PHLDB2: variants seen among roughly 807,000 people sequenced by gnomAD.
PHLDB2 encodes the protein pleckstrin homology-like domain family B member 2.
A neutral mutation model predicts 123.6 loss-of-function variants in PHLDB2; 71 were observed. The observed-to-expected ratio is 0.57, with a 90% CI of 0.47 to 0.70. The LOEUF is 0.70. Among genes scored for constraint, PHLDB2 ranks in the 30% least tolerant of loss-of-function variants. The pLI is 0.00. For missense variants in PHLDB2, 1,446 were observed against 1,519.5 expected, an observed-to-expected ratio of 0.95 and a Z score of 0.80; for synonymous variants, 547 against 541.6, an observed-to-expected ratio of 1.01 and a Z score of -0.14.
At chr3:111,732,596 T>C in exon 1 of PHLDB2, 1 of 1,528,880 alleles carries the variant, frequency 6.5e-7, no homozygotes, top group Non-Finnish European at 8.8e-7. Context: ...TAATGTGTCT[T>C]CCCAACATCC....
chr3:111,941,950 G>A (rs1046046317), intron 8 of PHLDB2, among the ~76,000 whole-genome samples: 2 of 152,126 alleles, frequency 1.3e-5, no homozygotes, highest in East Asian at 3.9e-4. Context: ...TTCCCACCTC[G>A]AAGTCTCTGA....
chr3:111,943,492 G>A (rs2070058023), intron 8 of PHLDB2, among the ~76,000 whole-genome samples: 1 of 151,966 alleles, frequency 6.6e-6, no homozygotes, highest in African/African-American at 2.4e-5. Flanking sequence ...TAAAAGAAAT[G>A]ACAAAAGACT....
At position 111,741,186 on chromosome 3, in the gene PHLDB2, T is replaced by A. The variant is rs566862910; in HGVS notation, c.-49+8483T>A. On this transcript the variant is annotated intron_variant, in intron 1 of 17. Transcript: ENST00000393923. ...AGCATGAGGTAAAATAGAACTCTGT[T>A]TTCCTACTTTCAAAAACTCATCTCA... Among the ~76,000 whole-genome samples the A allele has an allele frequency of 2.6e-5, 4 of 152,298 alleles. No individual in the cohort carries two copies. The South Asian group carries it at 8.3e-4, about 32-fold the overall frequency.
At chr3:111,865,612 G>A (rs2065030521) in intron 1 of PHLDB2, among the ~76,000 whole-genome samples, 1 of 151,990 alleles carries the variant, frequency 6.6e-6, no homozygotes, top group South Asian at 2.1e-4. Flanking sequence ...GAATTGACGT[G>A]CTCCAGATCT....
chr3:111,956,943 T>G (rs1325542021), intron 12 of PHLDB2: 1 of 152,254 alleles, frequency 6.6e-6, no homozygotes, highest in African/African-American at 2.4e-5. Context: ...TTTAGTAGAC[T>G]TTAATCATCT....
intron 1 of PHLDB2, among the ~76,000 whole-genome samples, chr3:111,774,199 T>C (rs1198239627): frequency 3.3e-5 from 5 of 152,186 alleles, no homozygotes; most frequent in Non-Finnish European, 7.3e-5. Flanking sequence ...TGTGTGCTCT[T>C]GGGAGCTCTA....
At chr3:111,871,957 A>C (rs1042194562) in intron 1 of PHLDB2, among the ~76,000 whole-genome samples, 1 of 152,222 alleles carries the variant, frequency 6.6e-6, no homozygotes, top group South Asian at 2.1e-4. Flanking sequence ...CTTTCTGTGG[A>C]TATCTTCCAG....
intron 1 of PHLDB2, among the ~76,000 whole-genome samples, chr3:111,736,019 A>G (rs1316442850): frequency 6.6e-6 from 1 of 152,192 alleles, no homozygotes; most frequent in East Asian, 1.9e-4. Context: ...CTTAGAGTAT[A>G]TATTTATTCC....
chr3:111,780,328 GAA>G (rs2060380036), intron 1 of PHLDB2, among the ~76,000 whole-genome samples: 38 of 11,608 alleles, frequency 3.3e-3, no homozygotes, highest in Non-Finnish European at 6.6e-3. Context: ...AGAGGAAGAA[GAA>G]GAAGAAGAAG....
intron 1 of PHLDB2, among the ~76,000 whole-genome samples, chr3:111,737,565 G>A (rs1462268414): frequency 6.6e-6 from 1 of 152,110 alleles, no homozygotes; most frequent in African/African-American, 2.4e-5. Flanking sequence ...TGCCTTGGAG[G>A]GGTTCCCAGA....
intron 1 of PHLDB2, among the ~76,000 whole-genome samples, chr3:111,802,717 A>G (rs541387495): frequency 1.1e-4 from 17 of 152,352 alleles, no homozygotes; most frequent in African/African-American, 4.1e-4. Context: ...GTTACAGCAG[A>G]GTGAGGCAAG....
chr3:111,863,448 G>T (rs1234550277), intron 1 of PHLDB2, among the ~76,000 whole-genome samples: 2 of 152,134 alleles, frequency 1.3e-5, no homozygotes, highest in Non-Finnish European at 2.9e-5. Context: ...GGGAAATTGT[G>T]GGAGAAATTC....
At position 111,974,546 on chromosome 3, in the gene PHLDB2, A is replaced by C. The variant is rs963732096; in HGVS notation, c.3745A>C (p.Thr1249Pro). The C allele has an allele frequency of 8.7e-6, 14 of 1,612,374 alleles. No homozygotes were observed. The highest frequency in any genetic ancestry group is 1.2e-5 in the Non-Finnish European group (14 of 1,179,228). ...DVIVTGAEGYTHFLL is the reference protein window; with the variant it reads ...DVIVTGAEGYPHFLL ...TATAGTTACGGGGGCAGAAGGTTACACTCACTTCTTGTTGTAGTGAACTGA... is the reference window on the plus strand; with the variant it reads ...TATAGTTACGGGGGCAGAAGGTTACCCTCACTTCTTGTTGTAGTGAACTGA... The change falls in exon 18 of 18, where the codon ACT becomes CCT. Residue 1249 changes from threonine (T) to proline (P), a missense_variant. Thr to Pro is a conservative substitution (Grantham distance 38). Transcript: ENST00000431670.
At chr3:111,813,771 G>A (rs2061949888) in intron 1 of PHLDB2, among the ~76,000 whole-genome samples, 1 of 152,158 alleles carries the variant, frequency 6.6e-6, no homozygotes, top group Admixed American at 6.5e-5. Flanking sequence ...AATGTATTTG[G>A]ATGCATACAA....
intron 1 of PHLDB2, among the ~76,000 whole-genome samples, chr3:111,769,425 G>C (rs1372079410): frequency 1.3e-5 from 2 of 152,154 alleles, no homozygotes; most frequent in African/African-American, 4.8e-5. Flanking sequence ...CCATCCTAGA[G>C]AGTAAAAGAC....
intron 1 of PHLDB2, among the ~76,000 whole-genome samples, chr3:111,876,359 T>C (rs937203396): frequency 2.0e-5 from 3 of 152,134 alleles, no homozygotes; most frequent in African/African-American, 7.2e-5. Context: ...CCCTGCTAAG[T>C]TGAAAATCTG....
upstream of PHLDB2, among the ~76,000 whole-genome samples, chr3:111,858,316 A>C (rs2064613644): frequency 6.6e-6 from 1 of 152,022 alleles, no homozygotes; most frequent in African/African-American, 2.4e-5. Context: ...GGTGGGGGAC[A>C]AGGGGAGGGA....
chr3:111,848,845 T>C (rs116101207), intron 2 of PHLDB2, among the ~76,000 whole-genome samples: 1 of 152,342 alleles, frequency 6.6e-6, no homozygotes, highest in African/African-American at 2.4e-5. Context: ...CCTACAGTAT[T>C]CAGTACAGTA....
chr3:111,778,708 T>C (rs752751380), intron 1 of PHLDB2, among the ~76,000 whole-genome samples: 8 of 152,040 alleles, frequency 5.3e-5, no homozygotes, highest in Non-Finnish European at 1.0e-4. Context: ...AGTATCTTGC[T>C]CAGAACATCT....
Sources: gnomAD v4.1 joint callset for allele counts (sites outside exome capture counted in the v4.1 genomes callset) on GRCh38, gnomAD v4.1.1 for gene constraint, MANE v1.5 for transcripts, NCBI Gene and HGNC (gene_info 2026-07-23, HGNC 2026-07-21) for gene names.